Variants in ARHGAP15 observed in about 807,000 individuals in gnomAD.
ARHGAP15 encodes Rho GTPase activating protein 15.
Under a neutral mutation model 63.7 loss-of-function variants are expected in ARHGAP15, and 51 were observed. The ratio of observed to expected loss-of-function variants is 0.80; its 90% confidence interval spans 0.64 to 1.01. The LOEUF is 1.01. Ranked by LOEUF, ARHGAP15 falls within the 50% of genes least tolerant of loss-of-function variation. ARHGAP15 has a pLI of 0.00. For synonymous variants in ARHGAP15, 191 were observed against 193.8 expected (o/e 0.99, Z 0.12); for missense variants, 560 against 564.6 (o/e 0.99, Z 0.08).
chr2:143,693,665 C>A (rs1683713203), intron 12 of ARHGAP15, among the ~76,000 whole-genome samples: 1 of 152,094 alleles, frequency 6.6e-6, no homozygotes, highest in South Asian at 2.1e-4. Flanking sequence ...AAACATCAGA[C>A]CTTTTAATAT....
At chr2:143,368,177 T>C (rs1164424481) in intron 6 of ARHGAP15, among the ~76,000 whole-genome samples, 1 of 151,976 alleles carries the variant, frequency 6.6e-6, no homozygotes, top group Non-Finnish European at 1.5e-5. Flanking sequence ...TTGAGGCAAA[T>C]AAAAATGTAC....
chr2:143,287,011 C>T (rs1682139268), intron 6 of ARHGAP15, among the ~76,000 whole-genome samples: 1 of 152,060 alleles, frequency 6.6e-6, no homozygotes, highest in African/African-American at 2.4e-5. Context: ...TAGAGCCCAT[C>T]TGGACTGTAA....
intron 6 of ARHGAP15, among the ~76,000 whole-genome samples, chr2:143,431,945 T>TC (rs1234468437): frequency 6.6e-6 from 1 of 152,012 alleles, no homozygotes; most frequent in African/African-American, 2.4e-5. Context: ...TTTGGTAATC[T>TC]CCCCATGTGC....
chr2:143,412,319 A>ATT (rs1688481970), intron 6 of ARHGAP15, among the ~76,000 whole-genome samples: 1 of 152,118 alleles, frequency 6.6e-6, no homozygotes, highest in Middle Eastern at 3.2e-3. Flanking sequence ...GGGAAGCGTC[A>ATT]TTGAAAATAT....
intron 6 of ARHGAP15, among the ~76,000 whole-genome samples, chr2:143,388,187 A>C (rs754640048): frequency 9.2e-5 from 14 of 152,202 alleles, no homozygotes; most frequent in Non-Finnish European, 1.6e-4. Context: ...ATTAATATAC[A>C]AATACATCAT....
chr2:143,307,177 T>A (rs1422108228), intron 6 of ARHGAP15, among the ~76,000 whole-genome samples: 1 of 152,138 alleles, frequency 6.6e-6, no homozygotes, highest in Non-Finnish European at 1.5e-5. Context: ...TGATCATCTT[T>A]TAAAGAGTGC....
chr2:143,715,335 T>C (rs547774114), intron 13 of ARHGAP15, among the ~76,000 whole-genome samples: 1 of 152,228 alleles, frequency 6.6e-6, no homozygotes, highest in African/African-American at 2.4e-5. Flanking sequence ...ATGGGAATTC[T>C]GGGAGATACA....
chr2:143,146,549 T>C (rs1168524811), intron 1 of ARHGAP15, among the ~76,000 whole-genome samples: 1 of 152,036 alleles, frequency 6.6e-6, no homozygotes, highest in Non-Finnish European at 1.5e-5. Context: ...GGTTTGGCTG[T>C]AATTACAAGA....
intron 13 of ARHGAP15, among the ~76,000 whole-genome samples, chr2:143,724,076 T>G (rs1374742791): frequency 6.6e-6 from 1 of 152,072 alleles, no homozygotes; most frequent in Admixed American, 6.5e-5. Context: ...TGTGTGTGTA[T>G]GTGTGTGATC....
chr2:143,231,069 C>T (rs1250460483), intron 5 of ARHGAP15, among the ~76,000 whole-genome samples: 47 of 125,414 alleles, frequency 3.7e-4, no homozygotes, highest in Admixed American at 1.9e-3. Context: ...GATGTAATTC[C>T]TTTTTTTTTT....
intron 10 of ARHGAP15, among the ~76,000 whole-genome samples, chr2:143,531,130 A>G (rs57590394): frequency 1.2e-4 from 4 of 33,246 alleles, no homozygotes; most frequent in African/African-American, 4.6e-4. Context: ...GTGTGCGCGC[A>G]TGTGTGTGTT....
rs183445957 is a variant in ARHGAP15, at chr2:143,309,533, G to A, written c.474+58933G>A. Among the ~76,000 whole-genome samples, 25 of 152,142 alleles carry A rather than the reference G, an allele frequency of 1.6e-4. 1 individual carries two copies. The highest frequency in any genetic ancestry group is 1.1e-3 in the Admixed American group (16 of 15,238). ...TACATCGGATACACTCCACAAATAT[G>A]TTTTAAGAATGAATACTATTCCTCT... On this transcript the variant is annotated intron_variant, in intron 6 of 13. Transcript: ENST00000295095.
intron 3 of ARHGAP15, 37 bp from the exon 4 acceptor site, chr2:143,216,347 G>C: frequency 1.3e-6 from 2 of 1,515,076 alleles, no homozygotes; most frequent in Non-Finnish European, 1.8e-6. Context: ...ATGCATAGTA[G>C]TTTGTCACGG....
intron 6 of ARHGAP15, among the ~76,000 whole-genome samples, chr2:143,350,131 A>G (rs1455817256): frequency 6.6e-6 from 1 of 152,184 alleles, no homozygotes; most frequent in Non-Finnish European, 1.5e-5. Flanking sequence ...TTACCATCAC[A>G]AAACAGATTT....
At chr2:143,474,369 A>G (rs1419735676) in intron 8 of ARHGAP15, among the ~76,000 whole-genome samples, 1 of 152,224 alleles carries the variant, frequency 6.6e-6, no homozygotes, top group Non-Finnish European at 1.5e-5. Context: ...AAATTTAAAT[A>G]TATTTCCATA....
intron 6 of ARHGAP15, among the ~76,000 whole-genome samples, chr2:143,395,442 ATAAT>A (rs1439666733): frequency 1.3e-5 from 2 of 152,210 alleles, no homozygotes; most frequent in Admixed American, 1.3e-4. Context: ...TACTAAGCAA[ATAAT>A]TAAATATTCA....
intron 2 of ARHGAP15, among the ~76,000 whole-genome samples, chr2:143,159,647 T>C (rs2105018622): frequency 6.6e-6 from 1 of 152,100 alleles, no homozygotes; most frequent in East Asian, 1.9e-4. Context: ...TAGATCAATA[T>C]GTGAAAACCA....
At chr2:143,275,925 T>C (rs987473524) in intron 6 of ARHGAP15, among the ~76,000 whole-genome samples, 3 of 152,310 alleles carry the variant, frequency 2.0e-5, no homozygotes, top group Non-Finnish European at 4.4e-5. Flanking sequence ...TCTGAACAGG[T>C]AGGGCTTGTA....
At chr2:143,254,480 CT>C (rs555255941) in intron 6 of ARHGAP15, among the ~76,000 whole-genome samples, 21 of 151,328 alleles carry the variant, frequency 1.4e-4, no homozygotes, top group Non-Finnish European at 2.1e-4. Context: ...TAGGTTTTGT[CT>C]TTTCCTTTGA....
Sources: allele counts gnomAD v4.1 joint callset (sites outside exome capture counted in the v4.1 genomes callset), GRCh38; gene constraint gnomAD v4.1.1; transcripts MANE v1.5; gene names NCBI Gene and HGNC (gene_info 2026-07-23, HGNC 2026-07-21).